The following ZNF284 variants were observed in gnomAD, a reference collection of about 807,000 sequenced individuals.
The protein encoded by ZNF284 is zinc finger protein 284.
ZNF284 carries 12 observed loss-of-function variants against 12.9 expected under a neutral mutation model. The ratio of observed to expected loss-of-function variants is 0.93; its 90% confidence interval spans 0.60 to 1.51. ZNF284 has a LOEUF of 1.51. Ranked by LOEUF, ZNF284 falls within the 40% of genes most tolerant of loss-of-function variation. The pLI is 0.00. For synonymous variants in ZNF284, 225 were observed against 236.5 expected (o/e 0.95, Z 0.45); for missense variants, 667 against 707.3 (o/e 0.94, Z 0.65).
intron 3 of ZNF284, 119 bp from the exon 4 acceptor site, chr19:44,081,894 G>T: frequency 7.1e-6 from 5 of 706,290 alleles, no homozygotes; most frequent in South Asian, 1.9e-5. Flanking sequence ...TTCAAGATGA[G>T]ATTTGGGGAC....
rs1432474658 is a variant in ZNF284, at chr19:44,087,008, T to A, written c.1530T>A (p.Pro510=). 4 of 1,614,002 alleles carry A rather than the reference T, an allele frequency of 2.5e-6. No homozygotes were observed. The Admixed American group carries it at 5.0e-5, about 20-fold the overall frequency. ...AAAGAATTCACACTGGAGAAAAGCC[T>A]TACAAATGTGAGGAGTGTGGAAAGG... is the stretch of plus-strand genomic sequence containing the variant. ...FHQRIHTGEK[P]YKCEECGKGF... is the part of the protein sequence containing the mutation. The change falls in exon 5 of 5, where the codon CCT becomes CCA. Residue 510 remains proline (P), a synonymous_variant. Coordinates refer to ENST00000421176, the MANE Select transcript of ZNF284 (RefSeq NM_001037813.4).
rs888400951 is a variant in ZNF284, at chr19:44,086,671, C to T, written c.1193C>T (p.Thr398Ile). The T allele has an allele frequency of 2.5e-6, 4 of 1,614,094 alleles. No homozygotes were observed. The highest frequency in any genetic ancestry group is 3.4e-6 in the Non-Finnish European group (4 of 1,179,964). Reference sequence around the variant, plus strand: ...CAGCGGGTCCACAATGGAGAAACAACATTCAAGTGCGACGGATGTGGGAAG... The same window carrying T: ...CAGCGGGTCCACAATGGAGAAACAATATTCAAGTGCGACGGATGTGGGAAG... ...RHQRVHNGET[T>I]FKCDGCGKRF... Residue 398 changes from threonine (T) to isoleucine (I), a missense_variant, in exon 5 of 5, where the codon ACA (threonine) becomes ATA (isoleucine). By Grantham distance (89) the Thr-to-Ile change is moderately conservative. Transcript: ENST00000421176.
chr19:44,076,228 C>A, intron 1 of ZNF284, 94 bp from the exon 2 acceptor site: 1 of 592,988 alleles, frequency 1.7e-6, no homozygotes, highest in South Asian at 3.0e-5. Context: ...CATTCAAGTG[C>A]TAATTCACAA....
Position 44,086,014 on chromosome 19 carries a change from A to G in ZNF284, c.536A>G (p.Glu179Gly). The G allele has an allele frequency of 6.2e-7, 1 of 1,614,168 alleles. No individual in the cohort carries two copies. Among genetic ancestry groups the G allele is most frequent in the Non-Finnish European group, 8.5e-7 (1 of 1,180,018 alleles). Residue 179 changes from glutamate to glycine, a missense_variant, in exon 5 of 5, where the codon GAG becomes GGG. Physicochemically the swap from Glu to Gly is moderately conservative, Grantham distance 98. Transcript: ENST00000421176. ...HSGKISHTCN[E>G]YRKRFCYSSA... is the part of the protein sequence containing the mutation. ...GGAAAGATATCCCATACATGTAATG[A>G]GTACAGGAAGAGATTCTGTTATAGC...
intron 2 of ZNF284, among the ~76,000 whole-genome samples, chr19:44,078,137 A>G (rs1434839570): frequency 1.3e-5 from 2 of 152,246 alleles, no homozygotes; most frequent in African/African-American, 2.4e-5. Context: ...AAAAAAATTC[A>G]AAGGAATATG....
In ZNF284 at chr19:44,086,765, T is replaced by G; in HGVS notation, c.1287T>G (p.Cys429Trp). 1.2e-6 allele frequency: 2 copies of G among 1,614,156 alleles called. No homozygotes were observed. The highest frequency in any genetic ancestry group is 1.7e-6 in the Non-Finnish European group (2 of 1,180,030). ...RAYREEELYK[C>W]QKCGKGYISK... The stretch of plus-strand genomic sequence containing the variant: ...ATAGAGAAGAAGAACTGTATAAATG[T>G]CAGAAGTGTGGGAAGGGCTACATTA... Residue 429 changes from cysteine (C) to tryptophan (W), a missense_variant, in exon 5 of 5, where the codon TGT (cysteine) becomes TGG (tryptophan). By Grantham distance (215) the Cys-to-Trp change is radical. Coordinates refer to ENST00000421176, the MANE Select transcript of ZNF284 (RefSeq NM_001037813.4).
intron 1 of ZNF284, among the ~76,000 whole-genome samples, chr19:44,075,562 C>CT (rs924413073): frequency 7.2e-5 from 11 of 152,084 alleles, no homozygotes; most frequent in Non-Finnish European, 1.5e-4. Context: ...TGTGAAGTTA[C>CT]TTTTTTTAAA....
rs199523025 is a variant in ZNF284 at position 44,086,203 on chromosome 19, G to A, written c.725G>A (p.Arg242His). The A allele has an allele frequency of 2.2e-4, 363 of 1,614,026 alleles. No homozygotes were observed. Among genetic ancestry groups the A allele is most frequent in the Middle Eastern group, 1.2e-3 (7 of 6,084 alleles). The change falls in exon 5 of 5, where the codon CGT becomes CAT. Residue 242 changes from arginine (R) to histidine (H), a missense_variant. Physicochemically the swap from Arg to His is conservative, Grantham distance 29 (BLOSUM62 0). Transcript: ENST00000421176. ...GAGCAGTGTGGGAAAAGTTTCAGCC[G>A]TAGATCAGGAATGTATGTTCATTGC... ...KCEQCGKSFS[R>H]RSGMYVHCKL...
At chr19:44,081,945 G>A in intron 3 of ZNF284, 68 bp from the exon 4 acceptor site, 1 of 1,329,314 alleles carries the variant, frequency 7.5e-7, no homozygotes, top group Non-Finnish European at 1.1e-6. Context: ...AGTGTGCAGT[G>A]AGAACCTAAA....
At chr19:44,083,474 T>TATATATATATATAGAGAGAGAG (rs746837013) in intron 4 of ZNF284, among the ~76,000 whole-genome samples, 3 of 64,924 alleles carry the variant, frequency 4.6e-5, no homozygotes, top group Non-Finnish European at 6.9e-5. Context: ...TATATATATA[T>TATATATATATATAGAGAGAGAG]AGAGAGAGAG....
In ZNF284 at chr19:44,086,255, T is replaced by A; in HGVS notation, c.777T>A (p.His259Gln). 1 of 1,614,192 alleles carries A rather than the reference T, an allele frequency of 6.2e-7. No individual in the cohort carries two copies. The highest frequency in any genetic ancestry group is 8.5e-7 in the Non-Finnish European group (1 of 1,180,032). Residue 259 changes from histidine to glutamine, a missense_variant, in exon 5 of 5, where the codon CAT becomes CAA. Transcript: ENST00000421176. Reference protein sequence around the residue: ...HCKLHTGEKPHICEECGKAFI... With the variant: ...HCKLHTGEKPQICEECGKAFI... Reference sequence around the variant, plus strand: ...AATTACACACAGGAGAAAAACCTCATATTTGTGAGGAATGTGGGAAGGCCT... The same window carrying A: ...AATTACACACAGGAGAAAAACCTCAAATTTGTGAGGAATGTGGGAAGGCCT...
At chr19:44,084,213 A>G (rs1967186945) in intron 4 of ZNF284, among the ~76,000 whole-genome samples, 1 of 152,150 alleles carries the variant, frequency 6.6e-6, no homozygotes, top group African/African-American at 2.4e-5. Context: ...CCCAGATGGC[A>G]TGCTCCAGCA....
intron 2 of ZNF284, 27 bp from the exon 3 acceptor site, chr19:44,080,988 T>A: frequency 6.2e-7 from 1 of 1,603,306 alleles, no homozygotes; most frequent in Non-Finnish European, 8.5e-7. Flanking sequence ...GTCATGAGAT[T>A]GAGATTGCAT....
At chr19:44,081,511 A>T (rs1017081609) in intron 3 of ZNF284, among the ~76,000 whole-genome samples, 1 of 152,050 alleles carries the variant, frequency 6.6e-6, no homozygotes, top group Non-Finnish European at 1.5e-5. Context: ...GGAGATGGAG[A>T]CCATTCTGGC....
At chr19:44,081,582 G>A (rs1214458666) in intron 3 of ZNF284, among the ~76,000 whole-genome samples, 1 of 151,912 alleles carries the variant, frequency 6.6e-6, no homozygotes, top group Non-Finnish European at 1.5e-5. Context: ...CGTGGTGGCG[G>A]GCGTCTGTAG....
intron 4 of ZNF284, among the ~76,000 whole-genome samples, chr19:44,082,343 A>G (rs372968422): frequency 3.4e-4 from 52 of 152,276 alleles, no homozygotes; most frequent in African/African-American, 1.3e-3. Flanking sequence ...CCTCAGCTTA[A>G]AAGCCTTTAT....
At chr19:44,082,136 C>T (rs375112419) in intron 4 of ZNF284, 31 bp downstream of exon 4, 26 of 1,552,480 alleles carry the variant, frequency 1.7e-5, no homozygotes, top group African/African-American at 1.5e-4. Flanking sequence ...CATCCTTGTA[C>T]GTGACCCTTC....
Position 44,086,793 on chromosome 19 carries a change from A to G in ZNF284, c.1315A>G (p.Lys439Glu), listed in dbSNP as rs780799143. ...GAAGTGTGGGAAGGGCTACATTAGT[A>G]AGTTTAATCTTGACTTGCACCAGAG... Reference protein sequence around the residue: ...CQKCGKGYISKFNLDLHQRVH... With the variant: ...CQKCGKGYISEFNLDLHQRVH... Residue 439 changes from lysine to glutamate, a missense_variant, in exon 5 of 5, where the codon AAG (lysine) becomes GAG (glutamate). Coordinates refer to ENST00000421176, the MANE Select transcript of ZNF284 (RefSeq NM_001037813.4). 10 of 1,614,074 alleles carry G rather than the reference A, an allele frequency of 6.2e-6. No homozygotes were observed. In the African/African-American group the frequency reaches 1.2e-4, roughly 19 times the overall value.
In ZNF284 at chr19:44,075,890, G is replaced by A. The variant is rs887615657; in HGVS notation, c.-68-432G>A. ...TTAGATCATTTTTATCTCCCAGTTG[G>A]ACTCCTTGTGCCCATTTATAGTTAA... On this transcript the variant is annotated intron_variant, in intron 1 of 4. Transcript: ENST00000421176. 2.6e-5 allele frequency among the ~76,000 whole-genome samples: 4 copies of A among 152,098 alleles called. No homozygotes were observed. The East Asian group carries it at 7.7e-4, about 29-fold the overall frequency.
Sources: allele counts gnomAD v4.1 joint callset (sites outside exome capture counted in the v4.1 genomes callset), GRCh38; gene constraint gnomAD v4.1.1; transcripts MANE v1.5; gene names NCBI Gene and HGNC (gene_info 2026-07-23, HGNC 2026-07-21).